Variants in EPN2 observed in about 807,000 individuals in gnomAD.
EPN2 encodes the protein epsin-2.
Under a neutral mutation model 61.7 loss-of-function variants are expected in EPN2, and 34 were observed. The ratio of observed to expected loss-of-function variants is 0.55; its 90% CI spans 0.42 to 0.73. The LOEUF is 0.73. Among genes scored for constraint, EPN2 ranks in the 30% least tolerant of loss-of-function variants. EPN2 has a pLI of 0.00. For synonymous variants in EPN2, 349 were observed against 353.6 expected, an observed-to-expected ratio of 0.99 and a Z score of 0.15; for missense variants, 714 against 839.2, an observed-to-expected ratio of 0.85 and a Z score of 1.84.
At chr17:19,270,050 A>C (rs1355711618) in intron 1 of EPN2, among the ~76,000 whole-genome samples, 1 of 152,212 alleles carries the variant, frequency 6.6e-6, no homozygotes, top group Non-Finnish European at 1.5e-5. Context: ...AGAGTCTGAG[A>C]GCAAATCCTA....
At chr17:19,245,098 A>G (rs1256705553) in intron 1 of EPN2, among the ~76,000 whole-genome samples, 1 of 152,022 alleles carries the variant, frequency 6.6e-6, no homozygotes, top group Non-Finnish European at 1.5e-5. Flanking sequence ...CACCTGTCTG[A>G]TTTTGGAGCT....
intron 9 of EPN2, among the ~76,000 whole-genome samples, chr17:19,331,122 A>G (rs1567871234): frequency 6.6e-6 from 1 of 152,148 alleles, no homozygotes; most frequent in Admixed American, 6.5e-5. Context: ...TGACTTTAAA[A>G]CTTGTTAAAA....
intron 4 of EPN2, chr17:19,305,844 A>T (rs934860353): frequency 9.9e-5 from 15 of 152,036 alleles, no homozygotes; most frequent in African/African-American, 3.1e-4. Flanking sequence ...TTTGAGGGAA[A>T]TGTTGGGCTT....
intron 1 of EPN2, among the ~76,000 whole-genome samples, chr17:19,276,810 T>C (rs1267497022): frequency 6.9e-6 from 1 of 145,050 alleles, no homozygotes; most frequent in African/African-American, 2.7e-5. Context: ...GGGTCTAAAC[T>C]TTTAACAGAG....
intron 7 of EPN2, among the ~76,000 whole-genome samples, chr17:19,327,229 A>C (rs1906921328): frequency 6.6e-6 from 1 of 152,206 alleles, no homozygotes; most frequent in Admixed American, 6.5e-5. Flanking sequence ...AGTATCCTTC[A>C]ACAGAGGAAT....
At chr17:19,267,096 C>A (rs2045207417) in intron 1 of EPN2, among the ~76,000 whole-genome samples, 1 of 151,730 alleles carries the variant, frequency 6.6e-6, no homozygotes, top group Non-Finnish European at 1.5e-5. Context: ...GCCTCGGCCT[C>A]CCAAAGTGCT....
Position 19,329,645 on chromosome 17 carries a change from C to G in EPN2, c.1409C>G (p.Thr470Arg), listed in dbSNP as rs149591117. 177 of 1,558,674 alleles carry G rather than the reference C, an allele frequency of 1.1e-4. No individual in the cohort carries two copies. The African/African-American group carries it at 2.0e-3, about 18-fold the overall frequency. The change falls in exon 9 of 11, where the codon ACA becomes AGA. Residue 470 changes from threonine to arginine, a missense_variant and splice_region_variant. Coordinates refer to ENST00000314728, the MANE Select transcript of EPN2 (RefSeq NM_014964.5). ...GACAACCTTCGGACTTCAAAAAAAA[C>G]AGGTATGTACAGGTGATGATGGTTT... ...EFDNLRTSKKTAESVTSLPSQ... is the reference protein window; with the variant it reads ...EFDNLRTSKKRAESVTSLPSQ...
chr17:19,312,182 C>T, intron 6 of EPN2, 38 bp downstream of exon 6: 1 of 1,478,604 alleles, frequency 6.8e-7, no homozygotes, highest in Non-Finnish European at 9.5e-7. Context: ...TTCACCCTGT[C>T]CTGTAGTTGT....
At chr17:19,239,686 G>T (rs940215138) in intron 1 of EPN2, among the ~76,000 whole-genome samples, 106 of 152,326 alleles carry the variant, frequency 7.0e-4, no homozygotes, top group African/African-American at 2.5e-3. Context: ...TGTCTTGTGG[G>T]ATGTACCAAG....
At chr17:19,298,483 G>C (rs560413897) in intron 4 of EPN2, among the ~76,000 whole-genome samples, 1 of 152,224 alleles carries the variant, frequency 6.6e-6, no homozygotes, top group Non-Finnish European at 1.5e-5. Flanking sequence ...AATTATAGGC[G>C]TGAGCCACGG....
Position 19,275,109 on chromosome 17 carries a change from G to T in EPN2, c.-293-6846G>T, listed in dbSNP as rs542326911. Among the ~76,000 whole-genome samples the T allele has an allele frequency of 4.6e-5, 7 of 152,268 alleles. No individual in the cohort carries two copies. The East Asian group carries it at 9.7e-4, about 21-fold the overall frequency. On this transcript the variant is annotated intron_variant, in intron 1 of 10. Transcript: ENST00000314728. ...TTCACAGGGAGTGCCGAGCCCTCCT[G>T]GGGAGGATGCAGTTCTTCCTTGGTC...
At chr17:19,284,993 A>G (rs926967506) in intron 3 of EPN2, among the ~76,000 whole-genome samples, 18 of 152,242 alleles carry the variant, frequency 1.2e-4, no homozygotes, top group Non-Finnish European at 2.6e-4. Context: ...AGAAGCCTCA[A>G]TGCAGGGTTA....
At position 19,255,999 on chromosome 17, in the gene EPN2, G is replaced by A. The variant is rs144417944; in HGVS notation, c.-294+18468G>A. ...GTTACCCAGGCTGGAGTGCAGGGGC[G>A]CGATCTCAGCTCACTGCAAGCTCTG... On this transcript the variant is annotated intron_variant, in intron 1 of 10. Coordinates refer to ENST00000314728, the MANE Select transcript of EPN2 (RefSeq NM_014964.5). 6.4e-3 allele frequency among the ~76,000 whole-genome samples: 968 copies of A among 151,794 alleles called. 28 individuals are homozygous for A. The highest frequency in any genetic ancestry group is 0.042 in the East Asian group (218 of 5,160).
intron 4 of EPN2, chr17:19,297,109 C>T (rs1045362091): frequency 6.6e-6 from 1 of 152,210 alleles, no homozygotes; most frequent in Non-Finnish European, 1.5e-5. Context: ...CTTGCCCTGA[C>T]GTTGGACTGT....
chr17:19,334,124 AG>A lies in EPN2; in HGVS notation c.1797del (p.Gln599HisfsTer11). 6.2e-7 allele frequency: 1 copy of A among 1,607,018 alleles called. No individual in the cohort carries two copies. The highest frequency in any genetic ancestry group is 1.7e-5 in the Admixed American group (1 of 59,282). On this transcript the variant is annotated frameshift_variant, in exon 11 of 11. Transcript: ENST00000314728. LOFTEE classifies it high-confidence loss of function. The surrounding 1 kb of genome is among the most constrained non-coding windows in gnomAD (Gnocchi z 4.9). ...GCCTCGATGACCTCCGCGGCCCCAC[AG>A]CCAGCTCTGGGGGCCACTGGTTCCT... ...AVASMTSAAP[Q>X]PALGATGSSL...
intron 4 of EPN2, among the ~76,000 whole-genome samples, chr17:19,300,780 AT>A (rs1905461655): frequency 6.6e-6 from 1 of 152,170 alleles, no homozygotes; most frequent in Non-Finnish European, 1.5e-5. Context: ...AGAAGCCAGC[AT>A]GGTGAATTAG....
chr17:19,327,569 A>G (rs1906939930), intron 7 of EPN2, among the ~76,000 whole-genome samples: 1 of 152,118 alleles, frequency 6.6e-6, no homozygotes, highest in Non-Finnish European at 1.5e-5. Context: ...GCTACTTGGG[A>G]GGCGGCGGTG....
intron 6 of EPN2, 116 bp from the exon 7 acceptor site, chr17:19,312,989 C>T: frequency 9.0e-7 from 1 of 1,111,646 alleles, no homozygotes; most frequent in South Asian, 1.5e-5. Context: ...CTCAGCCCCT[C>T]CTAGAGGGCT....
chr17:19,244,247 C>G (rs919784711), intron 1 of EPN2, among the ~76,000 whole-genome samples: 1 of 152,020 alleles, frequency 6.6e-6, no homozygotes, highest in African/African-American at 2.4e-5. Context: ...TCACTTGAGG[C>G]CAGGAGTTGG....
Sources: gnomAD v4.1 joint callset for allele counts (sites outside exome capture counted in the v4.1 genomes callset) on GRCh38, gnomAD v4.1.1 for gene constraint, Gnocchi (gnomAD v3.1) non-coding constraint, MANE v1.5 for transcripts, NCBI Gene and HGNC (gene_info 2026-07-23, HGNC 2026-07-21) for gene names.